CUL5: variants seen among roughly 807,000 people sequenced by gnomAD.
CUL5 encodes cullin 5, also known as cullin-5.
In CUL5, 26 loss-of-function variants were observed where a neutral mutation model predicts 108.8. The ratio of observed to expected loss-of-function variants is 0.24; its 90% CI spans 0.18 to 0.33. The LOEUF (loss-of-function observed/expected upper bound fraction) is 0.33, where lower values mean the gene tolerates loss of function less well. Among genes scored for constraint, CUL5 ranks in the 10% least tolerant of loss-of-function variants. CUL5 has a pLI of 1.00. For synonymous variants in CUL5, 334 were observed against 298.0 expected (o/e 1.12, Z -1.25); for missense variants, 524 against 909.2 (o/e 0.58, Z 5.45).
intron 1 of CUL5, among the ~76,000 whole-genome samples, chr11:108,027,618 A>G (rs1313229821): frequency 6.6e-6 from 1 of 151,994 alleles, no homozygotes; most frequent in Non-Finnish European, 1.5e-5. Context: ...CATGTTGCCC[A>G]GGCTGGTCTC....
chr11:108,102,227 A>C (rs920499146), intron 18 of CUL5, among the ~76,000 whole-genome samples: 1 of 151,948 alleles, frequency 6.6e-6, no homozygotes, highest in Non-Finnish European at 1.5e-5. Context: ...GATGGGTTTC[A>C]CCATGTTGGC....
chr11:108,081,849 C>T (rs141150246), intron 11 of CUL5, among the ~76,000 whole-genome samples: 42 of 152,316 alleles, frequency 2.8e-4, no homozygotes, highest in East Asian at 1.5e-3. Context: ...GGTGCCACAT[C>T]GTTGTGATTT....
intron 1 of CUL5, among the ~76,000 whole-genome samples, chr11:108,015,927 G>T (rs1459774081): frequency 1.3e-5 from 2 of 151,976 alleles, no homozygotes; most frequent in African/African-American, 2.4e-5. Flanking sequence ...TTTTGTTTTT[G>T]TTTTTGTTTG....
chr11:108,083,058 T>G (rs947866875), intron 11 of CUL5, among the ~76,000 whole-genome samples: 2 of 152,206 alleles, frequency 1.3e-5, no homozygotes, highest in Admixed American at 6.5e-5. Context: ...ATAGAAATAC[T>G]TTTACTTCTT....
chr11:108,038,061 A>T (rs1013839511), intron 2 of CUL5, among the ~76,000 whole-genome samples: 1 of 152,254 alleles, frequency 6.6e-6, no homozygotes, highest in African/African-American at 2.4e-5. Flanking sequence ...CATACTATCA[A>T]TTAACTTATA....
chr11:108,082,955 A>G (rs1489785592), intron 11 of CUL5, among the ~76,000 whole-genome samples: 3 of 152,196 alleles, frequency 2.0e-5, no homozygotes, highest in Non-Finnish European at 4.4e-5. Context: ...TTGATTTTGT[A>G]CTTTGCAGCT....
At chr11:108,095,185 C>G (rs1361175575) in intron 15 of CUL5, among the ~76,000 whole-genome samples, 198 bp downstream of exon 15, 1 of 152,176 alleles carries the variant, frequency 6.6e-6, no homozygotes, top group Non-Finnish European at 1.5e-5. Flanking sequence ...CTGCCGTTGT[C>G]TACAGAATTC....
chr11:108,025,339 G>T (rs1419288820), intron 1 of CUL5, among the ~76,000 whole-genome samples: 1 of 152,184 alleles, frequency 6.6e-6, no homozygotes. Flanking sequence ...ATGCTTGGTA[G>T]TTTTTAACTG....
At chr11:108,068,357 C>T (rs1863741348) in intron 7 of CUL5, among the ~76,000 whole-genome samples, 1 of 151,790 alleles carries the variant, frequency 6.6e-6, no homozygotes, top group East Asian at 1.9e-4. Context: ...CTTGCTCTGT[C>T]GCCCAGACTA....
intron 2 of CUL5, among the ~76,000 whole-genome samples, chr11:108,043,581 T>C (rs1231879439): frequency 6.6e-6 from 1 of 152,220 alleles, no homozygotes; most frequent in Non-Finnish European, 1.5e-5. Context: ...CAAGAGTAGA[T>C]TTGGTTTAGT....
intron 2 of CUL5, among the ~76,000 whole-genome samples, chr11:108,042,796 C>T (rs765915858): frequency 6.6e-6 from 1 of 151,484 alleles, no homozygotes; most frequent in African/African-American, 2.4e-5. Flanking sequence ...AGAGTCTTGC[C>T]CTGTTGCCCA....
At chr11:108,070,066 T>G (rs1863782722) in intron 7 of CUL5, 30 bp from the exon 8 acceptor site, 1 of 1,446,230 alleles carries the variant, frequency 6.9e-7, no homozygotes, top group Non-Finnish European at 9.7e-7. Context: ...CAGCTTATAG[T>G]AGCCTTGACT....
chr11:108,076,160 GTA>G (rs1863936120), intron 10 of CUL5, among the ~76,000 whole-genome samples: 1 of 152,048 alleles, frequency 6.6e-6, no homozygotes, highest in Non-Finnish European at 1.5e-5. Context: ...AGCCTCCCGA[GTA>G]GCTGGGACTA....
intron 3 of CUL5, among the ~76,000 whole-genome samples, chr11:108,046,991 C>T (rs1176669709): frequency 6.6e-6 from 1 of 151,872 alleles, no homozygotes; most frequent in African/African-American, 2.4e-5. Flanking sequence ...TGAGGAGGAC[C>T]CTAAGGACGT....
At chr11:108,094,734 A>G (rs1864446821) in intron 14 of CUL5, 78 bp from the exon 15 acceptor site, 2 of 1,167,176 alleles carry the variant, frequency 1.7e-6, no homozygotes, top group Non-Finnish European at 2.4e-6. Flanking sequence ...TTGATTTTTC[A>G]CCCAAAGTTA....
At chr11:108,076,080 G>A (rs1311930665) in intron 10 of CUL5, among the ~76,000 whole-genome samples, 2 of 152,072 alleles carry the variant, frequency 1.3e-5, no homozygotes, top group Non-Finnish European at 2.9e-5. Flanking sequence ...CCAGGCTGGA[G>A]AGAGTGCAGT....
chr11:108,010,111 A>G (rs530554486), intron 1 of CUL5, among the ~76,000 whole-genome samples: 1 of 152,378 alleles, frequency 6.6e-6, no homozygotes, highest in South Asian at 2.1e-4. Flanking sequence ...ATTCTCCACC[A>G]GTTAAAAAGT....
intron 1 of CUL5, among the ~76,000 whole-genome samples, chr11:108,030,544 G>A (rs138135880): frequency 0.017 from 2,526 of 152,328 alleles, 66 homozygotes; most frequent in African/African-American, 0.056. Flanking sequence ...AGCTGAGGCA[G>A]GAGAATCGCT....
chr11:108,047,903 T>TTA (rs1372845169), intron 3 of CUL5, among the ~76,000 whole-genome samples: 2 of 152,310 alleles, frequency 1.3e-5, no homozygotes, highest in African/African-American at 2.4e-5. Flanking sequence ...TTGGATGTTC[T>TTA]TAACAGATGT....
Sources: gnomAD v4.1 joint callset for allele counts (sites outside exome capture counted in the v4.1 genomes callset) on GRCh38, gnomAD v4.1.1 for gene constraint, MANE v1.5 for transcripts, NCBI Gene and HGNC (gene_info 2026-07-23, HGNC 2026-07-21) for gene names.